The following CACNA2D3 variants were observed in gnomAD, a reference collection of about 807,000 sequenced individuals.
The protein encoded by CACNA2D3 is calcium voltage-gated channel auxiliary subunit alpha2delta 3.
A neutral mutation model predicts 160.6 loss-of-function variants in CACNA2D3; 60 were observed. The observed-to-expected ratio is 0.37, with a 90% CI of 0.30 to 0.46. The LOEUF (loss-of-function observed/expected upper bound fraction) is 0.46, where lower values mean the gene tolerates loss of function less well. CACNA2D3 is among the 20% of genes least tolerant of loss of function. The probability of loss-of-function intolerance (pLI) is 1.00; values close to 1 mark genes in which losing one functional copy is unlikely to be tolerated. For missense variants in CACNA2D3, 1,205 were observed against 1,365.0 expected (o/e 0.88, Z 1.85); for synonymous variants, 558 against 492.9 (o/e 1.13, Z -1.75).
At chr3:54,677,309 A>G (rs1700260047) in intron 11 of CACNA2D3, among the ~76,000 whole-genome samples, 2 of 152,224 alleles carry the variant, frequency 1.3e-5, no homozygotes, top group Non-Finnish European at 2.9e-5. Context: ...TAAAAAGGAA[A>G]GGCAGACCTG....
At chr3:54,636,685 GC>G in intron 10 of CACNA2D3, among the ~76,000 whole-genome samples, 1 of 152,102 alleles carries the variant, frequency 6.6e-6, no homozygotes, top group East Asian at 1.9e-4. Context: ...CTATAACCAT[GC>G]CTAGGAAGGA....
At chr3:54,618,088 T>C (rs1698894917) in intron 9 of CACNA2D3, among the ~76,000 whole-genome samples, 1 of 151,888 alleles carries the variant, frequency 6.6e-6, no homozygotes, top group Non-Finnish European at 1.5e-5. Flanking sequence ...ACTGAGTGCC[T>C]ACTATATGCT....
At chr3:54,315,408 G>C (rs1157894069) in intron 2 of CACNA2D3, among the ~76,000 whole-genome samples, 3 of 152,188 alleles carry the variant, frequency 2.0e-5, no homozygotes, top group Non-Finnish European at 2.9e-5. Context: ...AATGTCTCCT[G>C]GTTTTGGTAT....
intron 13 of CACNA2D3, among the ~76,000 whole-genome samples, chr3:54,802,958 G>A (rs747359146): frequency 1.2e-4 from 18 of 152,228 alleles, no homozygotes; most frequent in Non-Finnish European, 1.9e-4. Context: ...AGGGTCTGAA[G>A]TGGACCTCTA....
intron 2 of CACNA2D3, among the ~76,000 whole-genome samples, chr3:54,193,260 A>T (rs1301236974): frequency 6.6e-6 from 1 of 152,068 alleles, no homozygotes; most frequent in Non-Finnish European, 1.5e-5. Flanking sequence ...TGGCTGTGGG[A>T]TGATTGAGGC....
Position 54,545,209 on chromosome 3 carries a change from A to G in CACNA2D3, c.545-17591A>G, listed in dbSNP as rs75828683. Among the ~76,000 whole-genome samples, 313 of 152,382 alleles carry G rather than the reference A, an allele frequency of 2.1e-3. 1 individual carries two copies. Among genetic ancestry groups the G allele is most frequent in the African/African-American group, 7.2e-3 (301 of 41,592 alleles). On this transcript the variant is annotated intron_variant, in intron 5 of 37. Transcript: ENST00000474759. Reference sequence around the variant, plus strand: ...TTATTTTTTCAAATTTGAAAATAATAAAGTTTGAACTACTCAAAATTTTTA... The same window carrying G: ...TTATTTTTTCAAATTTGAAAATAATGAAGTTTGAACTACTCAAAATTTTTA...
At chr3:54,762,352 C>T (rs1287210326) in intron 12 of CACNA2D3, among the ~76,000 whole-genome samples, 1 of 152,162 alleles carries the variant, frequency 6.6e-6, no homozygotes, top group Non-Finnish European at 1.5e-5. Flanking sequence ...CATCTTTAAT[C>T]CCAGTTCCTC....
intron 2 of CACNA2D3, among the ~76,000 whole-genome samples, chr3:54,179,789 G>A (rs767618673): frequency 1.3e-5 from 2 of 152,094 alleles, no homozygotes; most frequent in African/African-American, 2.4e-5. Context: ...CTACAAACCC[G>A]GAAGCGAGCC....
rs1473258374 is a variant in CACNA2D3, at chr3:54,931,325, A to G, written c.2449+31457A>G. Among the ~76,000 whole-genome samples the G allele has an allele frequency of 2.6e-5, 4 of 152,190 alleles. 1 individual carries two copies. The highest frequency in any genetic ancestry group is 2.0e-4 in the Admixed American group (3 of 15,282). On this transcript the variant is annotated intron_variant, in intron 27 of 37. Transcript: ENST00000474759. ...GGGGGTTAAAAGATGGACAATGCAC[A>G]CATGGCCTGGACTGCCCGCCCCGGA...
intron 11 of CACNA2D3, among the ~76,000 whole-genome samples, chr3:54,656,799 C>T (rs1436985248): frequency 6.6e-6 from 1 of 152,182 alleles, no homozygotes; most frequent in Non-Finnish European, 1.5e-5. Flanking sequence ...GCAGAGTAAC[C>T]CTTCCCCCTT....
At chr3:54,969,755 C>G in intron 28 of CACNA2D3, 45 bp from the exon 29 acceptor site, 7 of 1,587,406 alleles carry the variant, frequency 4.4e-6, no homozygotes, top group Non-Finnish European at 6.0e-6. Flanking sequence ...CTGGGATGCC[C>G]AAGTAACATA....
rs528467384 is a variant in CACNA2D3 at position 54,969,976 on chromosome 3, A to C, written c.2556+132A>C. 717 of 615,734 alleles carry C rather than the reference A, an allele frequency of 1.2e-3. 4 individuals carry two copies. In the Middle Eastern group the frequency reaches 0.012, roughly 10 times the overall value. 38.1% of individuals were successfully genotyped at this position (615,734 alleles called of 1,614,324 possible). On this transcript the variant is annotated intron_variant, in intron 29 of 37. Coordinates refer to ENST00000474759, the MANE Select transcript of CACNA2D3 (RefSeq NM_018398.3). Reference sequence around the variant, plus strand: ...GTACTGGGCCAATCTAAAAAAAAAAAAATCATTTGCTTTATTTGCTTTGTT... The same window carrying C: ...GTACTGGGCCAATCTAAAAAAAAAACAATCATTTGCTTTATTTGCTTTGTT...
intron 14 of CACNA2D3, among the ~76,000 whole-genome samples, chr3:54,833,011 G>A (rs185127553): frequency 1.3e-5 from 2 of 152,284 alleles, no homozygotes; most frequent in East Asian, 3.9e-4. Context: ...TAAGGAGTAG[G>A]CCTGGCATGG....
chr3:54,220,330 A>G (rs1577007248), intron 2 of CACNA2D3, among the ~76,000 whole-genome samples: 1 of 152,334 alleles, frequency 6.6e-6, no homozygotes, highest in East Asian at 1.9e-4. Context: ...ATTATCTAAC[A>G]TTCCCTGTAT....
intron 9 of CACNA2D3, chr3:54,626,558 T>A (rs1323755340): frequency 6.3e-7 from 1 of 1,594,940 alleles, no homozygotes; most frequent in Admixed American, 1.7e-5. Context: ...GACCACTACC[T>A]GGGCGAGTTC....
chr3:54,167,205 C>A (rs1211323453), intron 2 of CACNA2D3, among the ~76,000 whole-genome samples: 2 of 152,238 alleles, frequency 1.3e-5, no homozygotes, highest in South Asian at 4.2e-4. Context: ...CCCACTAGGT[C>A]ATAAGCTCAC....
chr3:54,729,192 A>T (rs540807718), intron 11 of CACNA2D3, among the ~76,000 whole-genome samples: 46 of 152,164 alleles, frequency 3.0e-4, no homozygotes, highest in African/African-American at 1.0e-3. Flanking sequence ...AAGTGCTGGG[A>T]TTATAGGTGT....
intron 2 of CACNA2D3, among the ~76,000 whole-genome samples, chr3:54,276,588 A>AAGAAG (rs1553775460): frequency 1.6e-5 from 2 of 127,778 alleles, no homozygotes; most frequent in African/African-American, 5.6e-5. Context: ...AAAAAAAAAA[A>AAGAAG]AAGAAGAAGA....
At chr3:54,206,826 G>A (rs902151829) in intron 2 of CACNA2D3, among the ~76,000 whole-genome samples, 9 of 152,080 alleles carry the variant, frequency 5.9e-5, no homozygotes, top group African/African-American at 2.2e-4. Flanking sequence ...ACTAACTCTG[G>A]CTGTTGAAAC....
Sources: allele counts gnomAD v4.1 joint callset (sites outside exome capture counted in the v4.1 genomes callset), GRCh38; gene constraint gnomAD v4.1.1; transcripts MANE v1.5; gene names NCBI Gene and HGNC (gene_info 2026-07-23, HGNC 2026-07-21).